Variants in FHIT observed in about 807,000 individuals in gnomAD.
FHIT encodes fragile histidine triad diadenosine triphosphatase.
In FHIT, 19 loss-of-function variants were observed where a neutral mutation model predicts 17.9. That is an observed-to-expected ratio of 1.06 (90% confidence interval 0.74 to 1.56). The LOEUF (loss-of-function observed/expected upper bound fraction) is 1.56. FHIT is among the 40% of genes most tolerant of loss of function. The pLI, the probability that FHIT is intolerant of heterozygous loss-of-function variation, is 0.00. For missense variants in FHIT, 248 were observed against 189.2 expected, an observed-to-expected ratio of 1.31 and a Z score of -1.82; for synonymous variants, 81 against 69.7, an observed-to-expected ratio of 1.16 and a Z score of -0.81.
At chr3:59,973,841 T>A (rs1470615296) in intron 7 of FHIT, among the ~76,000 whole-genome samples, 4 of 152,106 alleles carry the variant, frequency 2.6e-5, no homozygotes, top group African/African-American at 9.7e-5. Context: ...TAACTAACTG[T>A]TCACCACCAA....
intron 4 of FHIT, among the ~76,000 whole-genome samples, chr3:60,770,991 T>C (rs1553722933): frequency 2.0e-5 from 3 of 152,258 alleles, no homozygotes; most frequent in Admixed American, 1.3e-4. Flanking sequence ...CAGTTCTCTC[T>C]CAGGAAAGTC....
chr3:60,401,491 C>G (rs1381682798), intron 5 of FHIT, among the ~76,000 whole-genome samples: 1 of 152,048 alleles, frequency 6.6e-6, no homozygotes, highest in Non-Finnish European at 1.5e-5. Context: ...GGTTCTATAA[C>G]CCTCCACCCC....
intron 4 of FHIT, among the ~76,000 whole-genome samples, chr3:60,689,036 T>G (rs1281854993): frequency 6.6e-6 from 1 of 152,066 alleles, no homozygotes; most frequent in African/African-American, 2.4e-5. Flanking sequence ...TGGAAGACAA[T>G]TGAATCATGG....
intron 5 of FHIT, among the ~76,000 whole-genome samples, chr3:60,077,695 CACACA>C (rs1559611301): frequency 7.1e-5 from 7 of 98,764 alleles, no homozygotes; most frequent in African/African-American, 3.5e-4. Flanking sequence ...TTCACACACA[CACACA>C]CACACACACA....
chr3:60,191,302 A>G (rs1237023009), intron 5 of FHIT, among the ~76,000 whole-genome samples: 1 of 152,190 alleles, frequency 6.6e-6, no homozygotes, highest in Admixed American at 6.5e-5. Context: ...AGAAAAAGGG[A>G]TACATTTGAA....
chr3:60,212,764 A>G (rs1403557943), intron 5 of FHIT, among the ~76,000 whole-genome samples: 1 of 152,196 alleles, frequency 6.6e-6, no homozygotes, highest in Non-Finnish European at 1.5e-5. Flanking sequence ...CTGGGACAGG[A>G]TATGAGAAAA....
rs1465464730 is a variant in FHIT, at chr3:60,360,750, C to A, written c.103+176110G>T. On this transcript the variant is annotated intron_variant, in intron 5 of 9. Coordinates refer to ENST00000492590, the MANE Select transcript of FHIT (RefSeq NM_002012.4). ...ATTCACAACATCTTCTCACAAGCTTCCCTTCTCAAACAGCCTGTCTTATCA... is the reference window on the plus strand; with the variant it reads ...ATTCACAACATCTTCTCACAAGCTTACCTTCTCAAACAGCCTGTCTTATCA... 3.3e-5 allele frequency among the ~76,000 whole-genome samples: 5 copies of A among 152,320 alleles called. No homozygotes were observed. In the East Asian group the frequency reaches 9.6e-4, roughly 29 times the overall value.
chr3:60,293,498 C>A (rs1023745526), intron 5 of FHIT, among the ~76,000 whole-genome samples: 2 of 152,114 alleles, frequency 1.3e-5, no homozygotes, highest in Non-Finnish European at 2.9e-5. Flanking sequence ...CAGCAAACAA[C>A]GTTTTATTCA....
chr3:61,171,561 A>AAATAT (rs1309500495), intron 2 of FHIT, among the ~76,000 whole-genome samples: 1 of 152,202 alleles, frequency 6.6e-6, no homozygotes, highest in East Asian at 1.9e-4. Context: ...AACAGAAACT[A>AAATAT]AACATAGACT....
chr3:60,575,720 A>C (rs1553657352), intron 4 of FHIT, among the ~76,000 whole-genome samples: 1 of 152,188 alleles, frequency 6.6e-6, no homozygotes, highest in Non-Finnish European at 1.5e-5. Context: ...CTGCTCCTAT[A>C]AGTTAAGAAC....
chr3:60,522,619 C>A (rs2035414874), intron 5 of FHIT, among the ~76,000 whole-genome samples: 1 of 152,130 alleles, frequency 6.6e-6, no homozygotes, highest in Non-Finnish European at 1.5e-5. Flanking sequence ...GTACCAGACT[C>A]AGAACATATT....
At chr3:60,546,293 G>A (rs1258828574) in intron 4 of FHIT, among the ~76,000 whole-genome samples, 1 of 151,956 alleles carries the variant, frequency 6.6e-6, no homozygotes, top group Non-Finnish European at 1.5e-5. Context: ...CTCTCCCCAT[G>A]AGTATGAAAA....
intron 5 of FHIT, among the ~76,000 whole-genome samples, chr3:60,308,792 C>T (rs1376776543): frequency 1.3e-5 from 2 of 152,038 alleles, no homozygotes; most frequent in African/African-American, 2.4e-5. Context: ...TAACTGATCA[C>T]CAAAAGTATA....
At chr3:60,012,734 T>C (rs1385157395) in intron 6 of FHIT, among the ~76,000 whole-genome samples, 2 of 152,146 alleles carry the variant, frequency 1.3e-5, no homozygotes, top group Non-Finnish European at 2.9e-5. Flanking sequence ...TATCTTACTG[T>C]AGGTTACAGT....
chr3:60,820,689 A>G (rs1308448701), intron 4 of FHIT, among the ~76,000 whole-genome samples: 2 of 152,356 alleles, frequency 1.3e-5, no homozygotes, highest in East Asian at 3.9e-4. Flanking sequence ...CTGACATTGT[A>G]AAGTGGATAC....
chr3:60,373,573 G>A (rs1411756984), intron 5 of FHIT, among the ~76,000 whole-genome samples: 2 of 152,066 alleles, frequency 1.3e-5, no homozygotes, highest in African/African-American at 2.4e-5. Context: ...AAATGGACAT[G>A]ATCAGGTTGA....
rs780297553 is a variant in FHIT, at chr3:60,115,652, T to A, written c.104-101500A>T. ...GTAAAACATTTGTCACAGTTTTATG[T>A]ATAACCATAACAAAACTGTAAAAAA... is the stretch of plus-strand genomic sequence containing the variant. On this transcript the variant is annotated intron_variant, in intron 5 of 9. Coordinates refer to ENST00000492590, the MANE Select transcript of FHIT (RefSeq NM_002012.4). Among the ~76,000 whole-genome samples the A allele has an allele frequency of 3.6e-4, 55 of 152,174 alleles. 1 individual carries two copies. The highest frequency in any genetic ancestry group is 2.1e-4 in the Non-Finnish European group (14 of 68,010).
chr3:60,453,670 G>C (rs1002978046), intron 5 of FHIT, among the ~76,000 whole-genome samples: 5 of 152,128 alleles, frequency 3.3e-5, no homozygotes, highest in African/African-American at 9.7e-5. Flanking sequence ...TCACCACCTG[G>C]AAAATGGGGG....
intron 8 of FHIT, among the ~76,000 whole-genome samples, chr3:59,799,976 C>T (rs905304634): frequency 3.3e-5 from 5 of 152,084 alleles, no homozygotes; most frequent in Non-Finnish European, 7.4e-5. Flanking sequence ...TTACAGGCTC[C>T]TACCATTTTC....
Sources: gnomAD v4.1 joint callset for allele counts (sites outside exome capture counted in the v4.1 genomes callset) on GRCh38, gnomAD v4.1.1 for gene constraint, MANE v1.5 for transcripts, NCBI Gene and HGNC (gene_info 2026-07-23, HGNC 2026-07-21) for gene names.